IFI16: variants seen among roughly 807,000 people sequenced by gnomAD.
IFI16 encodes gamma-interferon-inducible protein 16.
A neutral mutation model predicts 68.4 loss-of-function variants in IFI16; 49 were observed. The ratio of observed to expected loss-of-function variants is 0.72; its 90% CI spans 0.57 to 0.91. The LOEUF is 0.91. Among genes scored for constraint, IFI16 ranks in the 40% least tolerant of loss-of-function variants. IFI16 has a pLI of 0.00. For synonymous variants in IFI16, 307 were observed against 315.0 expected, an observed-to-expected ratio of 0.97 and a Z score of 0.27; for missense variants, 878 against 942.9, an observed-to-expected ratio of 0.93 and a Z score of 0.90.
intron 6 of IFI16, among the ~76,000 whole-genome samples, chr1:159,024,712 A>C (rs1571853391): frequency 2.0e-5 from 3 of 152,314 alleles, no homozygotes; most frequent in Admixed American, 2.0e-4. Flanking sequence ...TTATTTCCAC[A>C]AAGTATGAGA....
At chr1:159,013,779 C>T (rs1195094134) in intron 1 of IFI16, among the ~76,000 whole-genome samples, 2 of 152,006 alleles carry the variant, frequency 1.3e-5, no homozygotes, top group Non-Finnish European at 2.9e-5. Flanking sequence ...ACAAGGTGTC[C>T]GGCATCTTTG....
chr1:159,021,897 C>G (rs1422759443), intron 6 of IFI16, among the ~76,000 whole-genome samples: 1 of 145,012 alleles, frequency 6.9e-6, no homozygotes, highest in Non-Finnish European at 1.5e-5. Flanking sequence ...ATTTACATAT[C>G]TTCTTTTGAG....
At chr1:159,039,042 T>C (rs59245095) in intron 7 of IFI16, among the ~76,000 whole-genome samples, 3,008 of 152,200 alleles carry the variant, frequency 0.02, 109 homozygotes, top group African/African-American at 0.068. Flanking sequence ...TGTTCTAAAA[T>C]TTGCTGCCCT....
At chr1:159,009,627 C>T (rs571512116), upstream of IFI16, among the ~76,000 whole-genome samples, 4 of 151,992 alleles carry the variant, frequency 2.6e-5, no homozygotes, top group Non-Finnish European at 5.9e-5. Context: ...TTTCAGCTAT[C>T]GAATTTTGTA....
rs568251711 is a variant in IFI16, at chr1:159,032,356, C to CA, written c.1162-160dup. The CA allele has an allele frequency of 3.8e-3, 1,543 of 404,260 alleles. 3 individuals carry two copies. The highest frequency in any genetic ancestry group is 9.6e-3 in the Middle Eastern group (15 of 1,556). 25.0% of individuals were successfully genotyped at this position (404,260 alleles called of 1,614,324 possible). ...AGTACTTGATCATTCCACATTTTAGCAAAAAAAATATTCTGACAATTGCCT... is the reference window on the plus strand; with the variant it reads ...AGTACTTGATCATTCCACATTTTAGCAAAAAAAAATATTCTGACAATTGCCT... On this transcript the variant is annotated intron_variant, in intron 6 of 11. Transcript: ENST00000295809.
chr1:159,045,920 AT>A (rs1220619295), intron 8 of IFI16, among the ~76,000 whole-genome samples: 3 of 151,248 alleles, frequency 2.0e-5, no homozygotes, highest in Non-Finnish European at 4.4e-5. Flanking sequence ...CTAATGCCAC[AT>A]TTCAGTACAT....
intron 8 of IFI16, among the ~76,000 whole-genome samples, chr1:159,048,907 T>C (rs1210068655): frequency 6.6e-6 from 1 of 151,506 alleles, no homozygotes; most frequent in Non-Finnish European, 1.5e-5. Flanking sequence ...TGATCCACAC[T>C]GTAGTGATCA....
At chr1:159,012,338 G>A (rs1196944395) in intron 1 of IFI16, among the ~76,000 whole-genome samples, 1 of 152,160 alleles carries the variant, frequency 6.6e-6, no homozygotes, top group Admixed American at 6.5e-5. Context: ...TTGAAGTTAA[G>A]AATCTGGAGG....
At chr1:159,023,908 C>CG (rs1557868779) in intron 6 of IFI16, among the ~76,000 whole-genome samples, 1 of 152,260 alleles carries the variant, frequency 6.6e-6, no homozygotes, top group African/African-American at 2.4e-5. Context: ...GGCTTGCCCT[C>CG]GGGGGCGGAC....
chr1:159,013,413 C>A (rs1652710750), intron 1 of IFI16, among the ~76,000 whole-genome samples: 1 of 152,094 alleles, frequency 6.6e-6, no homozygotes, highest in African/African-American at 2.4e-5. Context: ...TGTGATTCGA[C>A]CACCTCGGCC....
upstream of IFI16, among the ~76,000 whole-genome samples, chr1:159,003,786 G>A (rs150062078): frequency 1.3e-5 from 2 of 151,762 alleles, no homozygotes; most frequent in South Asian, 2.1e-4. Context: ...TCAGCCTCCC[G>A]AGTAGCTGGG....
rs143922792 is a variant in IFI16, at chr1:159,013,637, ACT to A, written c.-20-1021_-20-1020del. On this transcript the variant is annotated intron_variant, in intron 1 of 11. Coordinates refer to ENST00000295809, the MANE Select transcript of IFI16 (RefSeq NM_001376587.1). Reference sequence around the variant, plus strand: ...GCAGTGACACTCTGTCCATAGGGAGACTCTGAAATCTACCATGAGACAAAGCC... The same window carrying A: ...GCAGTGACACTCTGTCCATAGGGAGACTGAAATCTACCATGAGACAAAGCC... Among the ~76,000 whole-genome samples the A allele has an allele frequency of 9.1e-3, 1,387 of 152,258 alleles. 22 individuals are homozygous for A. Among genetic ancestry groups the A allele is most frequent in the African/African-American group, 0.032 (1,311 of 41,524 alleles).
At chr1:159,037,224 A>T (rs1654379202) in intron 7 of IFI16, among the ~76,000 whole-genome samples, 1 of 152,210 alleles carries the variant, frequency 6.6e-6, no homozygotes, top group Admixed American at 6.5e-5. Context: ...TTCTGCAGCC[A>T]TAGGAATCAT....
chr1:159,010,594 T>C (rs577929257), intron 1 of IFI16, among the ~76,000 whole-genome samples: 14 of 152,316 alleles, frequency 9.2e-5, no homozygotes, highest in Non-Finnish European at 1.9e-4. Flanking sequence ...AGATGTATTA[T>C]ATGACATCAT....
In IFI16 at chr1:159,053,618, C is replaced by G. The variant is rs755378054; in HGVS notation, c.2171C>G (p.Thr724Arg). ...MEVVVHGRLTTINCEEGDKLK... is the reference protein window; with the variant it reads ...MEVVVHGRLTRINCEEGDKLK... ...GTGGTGGTGCATGGACGACTGACCA[C>G]AATCAACTGTGAGGAAGGAGATAAA... The change falls in exon 11 of 12, where the codon ACA (threonine) becomes AGA (arginine). Residue 724 changes from threonine (T) to arginine (R), a missense_variant. Physicochemically the swap from Thr to Arg is moderately conservative, Grantham distance 71. This residue lies in a region of IFI16 where 311 missense variants were observed against 305.1 expected (regional missense o/e 1.02). Transcript: ENST00000295809. The G allele has an allele frequency of 6.2e-7, 1 of 1,613,578 alleles. No homozygotes were observed. The highest frequency in any genetic ancestry group is 8.5e-7 in the Non-Finnish European group (1 of 1,179,658).
intron 7 of IFI16, among the ~76,000 whole-genome samples, chr1:159,037,852 G>A (rs1178488710): frequency 6.6e-6 from 1 of 151,756 alleles, no homozygotes; most frequent in Non-Finnish European, 1.5e-5. Context: ...TTTAAATAGG[G>A]CAGACATTAA....
Position 159,054,992 on chromosome 1 carries a change from A to G in IFI16, c.*91A>G. On this transcript the variant is annotated 3_prime_UTR_variant, in exon 12 of 12. Coordinates refer to ENST00000295809, the MANE Select transcript of IFI16 (RefSeq NM_001376587.1). ...ATACCTGGTTGAAATACAACACTAT[A>G]CATACACACCACCATATATACTAGC... The G allele has an allele frequency of 1.5e-6, 1 of 649,502 alleles. No homozygotes were observed. The highest frequency in any genetic ancestry group is 2.8e-5 in the East Asian group (1 of 36,340). The allele number at this position is 649,502 out of a possible 1,614,324, so 40.2% of individuals were successfully genotyped here.
chr1:159,026,360 G>A (rs1434273333), intron 6 of IFI16, among the ~76,000 whole-genome samples: 18 of 150,486 alleles, frequency 1.2e-4, no homozygotes, highest in Non-Finnish European at 1.2e-4. Flanking sequence ...GTGCAATGGC[G>A]CGATCTTGGC....
In IFI16 at chr1:159,018,607, C is replaced by G. The variant is rs1312069913; in HGVS notation, c.928C>G (p.Gln310Glu). 2 of 1,613,340 alleles carry G rather than the reference C, an allele frequency of 1.2e-6. No individual in the cohort carries two copies. The highest frequency in any genetic ancestry group is 2.2e-5 in the East Asian group (1 of 44,856). ...TCTGAAGATTGATATTCTTCACAAA[C>G]AAGCTTCAGGAAATATTGTATATGG... The part of the protein sequence containing the change: ...ETLKIDILHK[Q>E]ASGNIVYGVF... Residue 310 changes from glutamine (Q) to glutamate (E), a missense_variant, in exon 5 of 12, where the codon CAA (glutamine) becomes GAA (glutamate). By Grantham distance (29) the Gln-to-Glu change is conservative (BLOSUM62 2). Coordinates refer to ENST00000295809, the MANE Select transcript of IFI16 (RefSeq NM_001376587.1).
Sources: gnomAD v4.1 joint callset for allele counts (sites outside exome capture counted in the v4.1 genomes callset) on GRCh38, gnomAD v4.1.1 for gene constraint, gnomAD v4.1.1 regional missense constraint, MANE v1.5 for transcripts, NCBI Gene and HGNC (gene_info 2026-07-23, HGNC 2026-07-21) for gene names.